TBC1D12: variants seen among roughly 807,000 people sequenced by gnomAD.
TBC1D12 encodes TBC1 domain family member 12.
A neutral mutation model predicts 86.7 loss-of-function variants in TBC1D12; 56 were observed. The observed-to-expected ratio is 0.65, with a 90% CI of 0.52 to 0.81. The LOEUF is 0.81. Among genes scored for constraint, TBC1D12 ranks in the 30% least tolerant of loss-of-function variants. TBC1D12 has a pLI of 0.00. For missense variants in TBC1D12, 1,023 were observed against 1,038.8 expected, an observed-to-expected ratio of 0.98 and a Z score of 0.21; for synonymous variants, 421 against 411.7, an observed-to-expected ratio of 1.02 and a Z score of -0.27.
In TBC1D12 at chr10:94,496,203, G is replaced by A. The variant is rs140080031; in HGVS notation, c.1295-852G>A. ...GAAAAAACAATTTGAAAACAGTTTGGCTAGCTGGTCTCTGACATCCTCACT... is the reference window on the plus strand; with the variant it reads ...GAAAAAACAATTTGAAAACAGTTTGACTAGCTGGTCTCTGACATCCTCACT... On this transcript the variant is annotated intron_variant, in intron 4 of 12. Coordinates refer to ENST00000225235, the MANE Select transcript of TBC1D12 (RefSeq NM_015188.2). Among the ~76,000 whole-genome samples the A allele has an allele frequency of 7.9e-5, 12 of 152,056 alleles. No homozygotes were observed. The East Asian group carries it at 2.1e-3, about 27-fold the overall frequency.
At chr10:94,475,946 A>C (rs2055981694) in intron 3 of TBC1D12, among the ~76,000 whole-genome samples, 1 of 150,418 alleles carries the variant, frequency 6.6e-6, no homozygotes. Flanking sequence ...TTTTAATTTA[A>C]TTTAATTTGT....
At chr10:94,513,931 A>G (rs1276813893) in intron 9 of TBC1D12, among the ~76,000 whole-genome samples, 1 of 151,850 alleles carries the variant, frequency 6.6e-6, no homozygotes, top group Non-Finnish European at 1.5e-5. Context: ...CATCTGAAAT[A>G]TCTGACATTT....
At chr10:94,465,783 C>CGT (rs2055805718) in intron 2 of TBC1D12, among the ~76,000 whole-genome samples, 2 of 149,080 alleles carry the variant, frequency 1.3e-5, no homozygotes, top group South Asian at 2.1e-4. Flanking sequence ...CGCATACATA[C>CGT]ATACATATAC....
intron 1 of TBC1D12, among the ~76,000 whole-genome samples, chr10:94,418,631 G>A (rs1278689696): frequency 6.6e-6 from 1 of 151,858 alleles, no homozygotes; most frequent in Non-Finnish European, 1.5e-5. Context: ...GAATGCACTG[G>A]TGCAGTCTCG....
intron 1 of TBC1D12, among the ~76,000 whole-genome samples, chr10:94,430,696 CCCAACCTGTATTATAAAAG>C (rs1434614840): frequency 6.6e-6 from 1 of 152,136 alleles, no homozygotes; most frequent in Non-Finnish European, 1.5e-5. Context: ...GAGTCATTTA[CCCAACCTGTATTATAAAAG>C]CCACTAAGGG....
intron 3 of TBC1D12, among the ~76,000 whole-genome samples, chr10:94,492,292 A>T (rs534799299): frequency 6.6e-6 from 1 of 152,280 alleles, no homozygotes; most frequent in East Asian, 1.9e-4. Context: ...ATAAGGGGGG[A>T]CTACTATGTA....
chr10:94,453,168 A>G (rs1433277150), intron 2 of TBC1D12, among the ~76,000 whole-genome samples: 2 of 152,108 alleles, frequency 1.3e-5, no homozygotes, highest in Non-Finnish European at 2.9e-5. Flanking sequence ...TATATTTTGG[A>G]TAACAGTCCT....
intron 3 of TBC1D12, among the ~76,000 whole-genome samples, chr10:94,486,136 C>CTTTTTTTTTTTTTTTTTTTTTTTTTT (rs760373766): frequency 3.6e-4 from 44 of 120,868 alleles, no homozygotes; most frequent in South Asian, 9.0e-4. Context: ...TCTTCTTCTT[C>CTTTTTTTTTTTTTTTTTTTTTTTTTT]TTCTTTTTTT....
At position 94,467,335 on chromosome 10, in the gene TBC1D12, C is replaced by T. The variant is rs369680143; in HGVS notation, c.1096-7333C>T. On this transcript the variant is annotated intron_variant, in intron 2 of 12. Transcript: ENST00000225235. Reference sequence around the variant, plus strand: ...GCAACCTTTGCCTCCTGGGTTCAAGCGATTCTCCTGCCTCAGCCTCCCGAG... The same window carrying T: ...GCAACCTTTGCCTCCTGGGTTCAAGTGATTCTCCTGCCTCAGCCTCCCGAG... Among the ~76,000 whole-genome samples, 12 of 152,158 alleles carry T rather than the reference C, an allele frequency of 7.9e-5. No homozygotes were observed. In the East Asian group the frequency reaches 2.1e-3, roughly 27 times the overall value.
intron 4 of TBC1D12, 76 bp from the exon 5 acceptor site, chr10:94,496,979 A>T: frequency 1.3e-6 from 1 of 747,080 alleles, no homozygotes; most frequent in Non-Finnish European, 2.0e-6. Flanking sequence ...TCTATTTTGT[A>T]GAGTTTAGGT....
chr10:94,465,674 G>A (rs1489890239), intron 2 of TBC1D12, among the ~76,000 whole-genome samples: 15 of 98,704 alleles, frequency 1.5e-4, no homozygotes, highest in South Asian at 3.5e-4. Flanking sequence ...ATATATATGT[G>A]TGTGTGTGTG....
intron 3 of TBC1D12, among the ~76,000 whole-genome samples, chr10:94,478,350 G>C (rs1462332980): frequency 6.6e-6 from 1 of 152,132 alleles, no homozygotes; most frequent in Non-Finnish European, 1.5e-5. Context: ...TGAAGAGAAG[G>C]ATCAGGCCTA....
At chr10:94,461,950 C>G (rs2055735955) in intron 2 of TBC1D12, among the ~76,000 whole-genome samples, 1 of 152,160 alleles carries the variant, frequency 6.6e-6, no homozygotes, top group East Asian at 1.9e-4. Context: ...TTGACCCCCA[C>G]AAAATGTTGG....
intron 1 of TBC1D12, among the ~76,000 whole-genome samples, chr10:94,416,400 C>T (rs1284612315): frequency 3.9e-5 from 6 of 152,170 alleles, no homozygotes; most frequent in Admixed American, 3.9e-4. Flanking sequence ...TTAGAAGGTT[C>T]TATGTTGAAG....
intron 12 of TBC1D12, among the ~76,000 whole-genome samples, chr10:94,531,749 GTTATTTTATT>G (rs10664686): frequency 7.9e-4 from 39 of 49,638 alleles, no homozygotes; most frequent in Admixed American, 3.2e-3. Flanking sequence ...GTTATTTTAT[GTTATTTTATT>G]TTATTTTATT....
chr10:94,471,278 C>CAA (rs556285067), intron 2 of TBC1D12, among the ~76,000 whole-genome samples: 87 of 66,004 alleles, frequency 1.3e-3, no homozygotes, highest in African/African-American at 4.1e-3. Context: ...TCTGTATCTC[C>CAA]AAAAAAAAAA....
chr10:94,516,421 G>T (rs937204060), intron 9 of TBC1D12, among the ~76,000 whole-genome samples: 81 of 151,440 alleles, frequency 5.3e-4, no homozygotes, highest in African/African-American at 1.7e-3. Flanking sequence ...AACTTTTTTT[G>T]TTTTTTTTAA....
At position 94,523,165 on chromosome 10, in the gene TBC1D12, C is replaced by T. The variant is rs1355771443; in HGVS notation, c.2000+712C>T. The stretch of plus-strand genomic sequence containing the variant: ...CCGAGATCACACCCCAGCACTGCAG[C>T]CTGGACAACAGAGCGAAACTCTATC... On this transcript the variant is annotated intron_variant, in intron 11 of 12. Coordinates refer to ENST00000225235, the MANE Select transcript of TBC1D12 (RefSeq NM_015188.2). Among the ~76,000 whole-genome samples, 3 of 129,000 alleles carry T rather than the reference C, an allele frequency of 2.3e-5. No individual in the cohort carries two copies. The Admixed American group carries it at 2.7e-4, about 12-fold the overall frequency. 84.6% of individuals were successfully genotyped at this position (129,000 alleles called of 152,430 possible). A position where few individuals can be genotyped will look rare whatever the true frequency, so the allele number is the denominator to read the frequency against.
chr10:94,459,365 A>G (rs1463906288), intron 2 of TBC1D12, among the ~76,000 whole-genome samples: 1 of 152,240 alleles, frequency 6.6e-6, no homozygotes. Flanking sequence ...TGGTGCATTT[A>G]CAAACCTTTA....
Sources: gnomAD v4.1 joint callset for allele counts (sites outside exome capture counted in the v4.1 genomes callset) on GRCh38, gnomAD v4.1.1 for gene constraint, MANE v1.5 for transcripts, NCBI Gene and HGNC (gene_info 2026-07-23, HGNC 2026-07-21) for gene names.